STARD3NL: variants seen among roughly 807,000 people sequenced by gnomAD.
STARD3NL encodes STARD3 N-terminal-like protein.
In STARD3NL, 17 loss-of-function variants were observed where a neutral mutation model predicts 30.9. The observed-to-expected ratio is 0.55, with a 90% CI of 0.38 to 0.82. The LOEUF is 0.82. Among genes scored for constraint, STARD3NL ranks in the 40% least tolerant of loss-of-function variants. The pLI, the probability that STARD3NL is intolerant of heterozygous loss-of-function variation, is 0.00. For synonymous variants in STARD3NL, 112 were observed against 100.5 expected, an observed-to-expected ratio of 1.11 and a Z score of -0.69; for missense variants, 234 against 277.6, an observed-to-expected ratio of 0.84 and a Z score of 1.12.
At chr7:38,207,251 A>G (rs1295945632) in intron 1 of STARD3NL, among the ~76,000 whole-genome samples, 196 bp from the exon 2 acceptor site, 2 of 152,224 alleles carry the variant, frequency 1.3e-5, no homozygotes, top group Non-Finnish European at 2.9e-5. Flanking sequence ...TTGCTAAAAC[A>G]GCTATTTTGT....
chr7:38,215,046 T>C lies in STARD3NL; in HGVS notation c.322T>C (p.Phe108Leu). 1 of 1,614,004 alleles carries C rather than the reference T, an allele frequency of 6.2e-7. No individual in the cohort carries two copies. Among genetic ancestry groups the C allele is most frequent in the Non-Finnish European group, 8.5e-7 (1 of 1,179,932 alleles). Residue 108 changes from phenylalanine (F) to leucine (L), a missense_variant, in exon 4 of 9, where the codon TTT becomes CTT. By Grantham distance (22) the Phe-to-Leu change is conservative. Coordinates refer to ENST00000009041, the MANE Select transcript of STARD3NL (RefSeq NM_032016.4). Reference protein sequence around the residue: ...FDIFLLAVFRFKVLILAYAVC... With the variant: ...FDIFLLAVFRLKVLILAYAVC... ...CTTTCAGCTTCTGGCAGTTTTTCGA[T>C]TTAAAGTGTTAATACTTGCATATGC... is the stretch of plus-strand genomic sequence containing the variant.
chr7:38,225,593 TTTCCCCATTGTACTGATTTGA>T (rs1786712630), intron 7 of STARD3NL, among the ~76,000 whole-genome samples: 1 of 49,008 alleles, frequency 2.0e-5, no homozygotes, highest in African/African-American at 5.5e-5. Flanking sequence ...AAAGACAACC[TTTCCCCATTGTACTGATTTGA>T]CACGTTTGCT....
intron 4 of STARD3NL, 132 bp from the exon 5 acceptor site, chr7:38,216,892 GA>G: frequency 9.9e-7 from 1 of 1,009,836 alleles, no homozygotes; most frequent in Non-Finnish European, 1.5e-6. Flanking sequence ...AGTGATATGG[GA>G]AGGAGCCAGG....
chr7:38,228,871 A>T lies in STARD3NL; in HGVS notation c.*17A>T. On this transcript the variant is annotated splice_region_variant and 3_prime_UTR_variant, in exon 8 of 9. Transcript: ENST00000009041. ...GAACTATGAGTACTACTTTTGTTAA[A>T]GTAAGTGTTTGAAATGAAACCATAA... 6.2e-7 allele frequency: 1 copy of T among 1,607,410 alleles called. No homozygotes were observed. The highest frequency in any genetic ancestry group is 8.5e-7 in the Non-Finnish European group (1 of 1,175,590).
At chr7:38,193,652 C>T (rs1784785874) in intron 1 of STARD3NL, among the ~76,000 whole-genome samples, 1 of 152,092 alleles carries the variant, frequency 6.6e-6, no homozygotes, top group African/African-American at 2.4e-5. Flanking sequence ...TAGGAATAAG[C>T]TCTGATATGT....
At chr7:38,217,589 G>C (rs556207398) in intron 6 of STARD3NL, among the ~76,000 whole-genome samples, 2 of 152,320 alleles carry the variant, frequency 1.3e-5, no homozygotes, top group Admixed American at 6.5e-5. Flanking sequence ...AAAATAGCCA[G>C]CACTTTTTTC....
At chr7:38,183,921 A>G (rs1784348223) in intron 1 of STARD3NL, among the ~76,000 whole-genome samples, 1 of 152,208 alleles carries the variant, frequency 6.6e-6, no homozygotes, top group East Asian at 1.9e-4. Flanking sequence ...AAGTTTGTCT[A>G]ACTTTAGTTA....
At chr7:38,228,515 A>T (rs1183078881) in intron 7 of STARD3NL, among the ~76,000 whole-genome samples, 2 of 152,252 alleles carry the variant, frequency 1.3e-5, no homozygotes, top group African/African-American at 4.8e-5. Context: ...CAGAGGAAGA[A>T]TAGTGATTGA....
intron 1 of STARD3NL, among the ~76,000 whole-genome samples, chr7:38,189,711 A>C (rs1400292548): frequency 6.6e-6 from 1 of 152,228 alleles, no homozygotes; most frequent in Non-Finnish European, 1.5e-5. Context: ...ACTTCTATCT[A>C]TTAGTCATGC....
At chr7:38,178,604 A>G (rs1379983238) in intron 1 of STARD3NL, among the ~76,000 whole-genome samples, 184 bp downstream of exon 1, 1 of 152,168 alleles carries the variant, frequency 6.6e-6, no homozygotes, top group Non-Finnish European at 1.5e-5. Flanking sequence ...TGTGCTCATA[A>G]TGGACACAAG....
chr7:38,201,959 G>A (rs1272229008), intron 1 of STARD3NL: 1 of 152,252 alleles, frequency 6.6e-6, no homozygotes, highest in Non-Finnish European at 1.5e-5. Context: ...AAAGTGCTGG[G>A]ATTACAGGTA....
intron 1 of STARD3NL, among the ~76,000 whole-genome samples, chr7:38,197,234 T>G (rs1343070320): frequency 8.3e-5 from 4 of 48,376 alleles, no homozygotes; most frequent in Admixed American, 5.4e-4. Context: ...CTTTCTTTCA[T>G]TTTTTTTTTC....
chr7:38,181,748 C>T (rs893097082), intron 1 of STARD3NL, among the ~76,000 whole-genome samples: 14 of 152,242 alleles, frequency 9.2e-5, no homozygotes, highest in African/African-American at 3.1e-4. Context: ...TCTTTAAGAT[C>T]GTTCATGCAA....
chr7:38,226,145 C>G (rs1160125510), intron 7 of STARD3NL, among the ~76,000 whole-genome samples: 1 of 118,300 alleles, frequency 8.5e-6, no homozygotes, highest in Non-Finnish European at 1.7e-5. Context: ...GAATCTTTGC[C>G]TATCTTGTTT....
At chr7:38,214,466 G>A (rs764507432) in intron 3 of STARD3NL, 32 bp downstream of exon 3, 1 of 1,427,320 alleles carries the variant, frequency 7.0e-7, no homozygotes, top group Non-Finnish European at 9.8e-7. Flanking sequence ...TTTCAGATGT[G>A]ATAAAACTGA....
At chr7:38,188,705 T>C (rs968862794) in intron 1 of STARD3NL, among the ~76,000 whole-genome samples, 3 of 152,254 alleles carry the variant, frequency 2.0e-5, no homozygotes, top group African/African-American at 7.2e-5. Flanking sequence ...ATGTATATTT[T>C]AGGTTTGTCT....
At chr7:38,207,070 T>C (rs773996269) in intron 1 of STARD3NL, among the ~76,000 whole-genome samples, 3 of 152,226 alleles carry the variant, frequency 2.0e-5, no homozygotes, top group Non-Finnish European at 4.4e-5. Context: ...TTCTAGCCCA[T>C]GCACAGTTAT....
At chr7:38,197,158 T>TTCTTTCTTTCTTTCTTTC (rs1784950204) in intron 1 of STARD3NL, among the ~76,000 whole-genome samples, 2 of 144,628 alleles carry the variant, frequency 1.4e-5, no homozygotes, top group Admixed American at 1.4e-4. Flanking sequence ...CTTTCTTTCT[T>TTCTTTCTTTCTTTCTTTC]TCTTTCTTTC....
rs1324082644 is a variant in STARD3NL, at chr7:38,207,554, G to T, written c.50G>T (p.Ser17Ile). 9.3e-6 allele frequency: 15 copies of T among 1,613,902 alleles called. No homozygotes were observed. Among genetic ancestry groups the T allele is most frequent in the Non-Finnish European group, 1.3e-5 (15 of 1,179,956 alleles). Residue 17 changes from serine (S) to isoleucine (I), a missense_variant, in exon 2 of 9, where the codon AGC (serine) becomes ATC (isoleucine). Coordinates refer to ENST00000009041, the MANE Select transcript of STARD3NL (RefSeq NM_032016.4). ...DMENALTGSQ[S>I]SHASLRNIHS... ...GAGAACGCTCTCACCGGGAGCCAGA[G>T]CTCCCATGCTTCTCTGCGCAATATC...
Sources: gnomAD v4.1 joint callset for allele counts (sites outside exome capture counted in the v4.1 genomes callset) on GRCh38, gnomAD v4.1.1 for gene constraint, MANE v1.5 for transcripts, NCBI Gene and HGNC (gene_info 2026-07-23, HGNC 2026-07-21) for gene names.